Variants in RERE observed in about 807,000 individuals in gnomAD.
RERE encodes arginine-glutamic acid dipeptide repeats protein.
A neutral mutation model predicts 146.1 loss-of-function variants in RERE; 40 were observed. The observed-to-expected ratio is 0.27, with a 90% CI of 0.21 to 0.36. The LOEUF is 0.36. Among genes scored for constraint, RERE ranks in the 10% least tolerant of loss-of-function variants. The pLI is 1.00. For missense variants in RERE, 1,933 were observed against 2,138.7 expected, an observed-to-expected ratio of 0.90 and a Z score of 1.90; for synonymous variants, 1,003 against 866.0, an observed-to-expected ratio of 1.16 and a Z score of -2.78.
intron 4 of RERE, among the ~76,000 whole-genome samples, chr1:8,604,025 T>G (rs141648472): frequency 2.0e-5 from 3 of 151,760 alleles, no homozygotes; most frequent in Non-Finnish European, 4.4e-5. Flanking sequence ...GTTACTGGAG[T>G]TGGGGACAAG....
chr1:8,670,759 C>T (rs962437867), intron 1 of RERE, among the ~76,000 whole-genome samples: 6 of 152,076 alleles, frequency 3.9e-5, no homozygotes, highest in Non-Finnish European at 7.4e-5. Context: ...GCAGTGAGCG[C>T]AAGAAGAATT....
intron 2 of RERE, among the ~76,000 whole-genome samples, chr1:8,639,055 G>T (rs1647141162): frequency 6.6e-6 from 1 of 152,082 alleles, no homozygotes; most frequent in Admixed American, 6.5e-5. Context: ...TTACAGGCGT[G>T]AGCCACCGCG....
chr1:8,441,226 A>G (rs1225876323), intron 11 of RERE, among the ~76,000 whole-genome samples: 3 of 152,172 alleles, frequency 2.0e-5, no homozygotes, highest in Non-Finnish European at 4.4e-5. Flanking sequence ...TGGGCCTGGC[A>G]TATAAGATGT....
chr1:8,573,546 A>G (rs560925212), intron 4 of RERE, among the ~76,000 whole-genome samples: 1 of 152,258 alleles, frequency 6.6e-6, no homozygotes, highest in East Asian at 1.9e-4. Context: ...CATTTTCCTG[A>G]TAGTAGACAT....
intron 1 of RERE, among the ~76,000 whole-genome samples, chr1:8,816,530 C>G (rs1327830500): frequency 6.6e-6 from 1 of 152,146 alleles, no homozygotes; most frequent in East Asian, 1.9e-4. Context: ...ACTTTTCCCC[C>G]CTCCTAGCAG....
At chr1:8,470,048 T>A (rs1021261364) in intron 10 of RERE, among the ~76,000 whole-genome samples, 4 of 152,198 alleles carry the variant, frequency 2.6e-5, no homozygotes, top group African/African-American at 7.2e-5. Context: ...CTTCCTTCCC[T>A]ACTCTGTTCT....
intron 9 of RERE, among the ~76,000 whole-genome samples, chr1:8,496,150 T>TAAAAAAAAAAAAAAAAAAAAAAAAA (rs36115213): frequency 2.5e-5 from 3 of 118,426 alleles, no homozygotes; most frequent in African/African-American, 1.0e-4. Flanking sequence ...GACCCTGTCT[T>TAAAAAAAAAAAAAAAAAAAAAAAAA]AAAAAAAAAA....
Position 8,656,139 on chromosome 1 carries a change from A to G in RERE, c.159T>C (p.Ser53=), listed in dbSNP as rs765318631. Residue 53 remains serine (S), a synonymous_variant, in exon 2 of 23, where the codon AGT becomes AGC. Transcript: ENST00000400908. ...CATTGTCCTCGTCTTCACTGTGATCACTCTCAGCATAATTTTTGGCTCCTC... is the reference window on the plus strand; with the variant it reads ...CATTGTCCTCGTCTTCACTGTGATCGCTCTCAGCATAATTTTTGGCTCCTC... ...LEGGAKNYAE[S]DHSEDEDNDN... 1.6e-5 allele frequency: 26 copies of G among 1,612,284 alleles called. No homozygotes were observed. Among genetic ancestry groups the G allele is most frequent in the Non-Finnish European group, 2.2e-5 (26 of 1,179,516 alleles).
intron 5 of RERE, 87 bp from the exon 6 acceptor site, chr1:8,556,658 C>T: frequency 3.8e-6 from 3 of 798,224 alleles, no homozygotes; most frequent in Non-Finnish European, 4.3e-6. Flanking sequence ...TTCACGTTTA[C>T]CACCCACTAA....
chr1:8,483,796 A>C (rs971756129), intron 10 of RERE, among the ~76,000 whole-genome samples: 12 of 152,220 alleles, frequency 7.9e-5, no homozygotes, highest in Non-Finnish European at 1.0e-4. Flanking sequence ...TGCATAAATA[A>C]ATAAGCAAAC....
chr1:8,765,532 C>T (rs1640829963), intron 1 of RERE, among the ~76,000 whole-genome samples: 1 of 152,138 alleles, frequency 6.6e-6, no homozygotes, highest in African/African-American at 2.4e-5. Flanking sequence ...TAAAACCAAA[C>T]AAAAGGCCGG....
rs1349733115 is a variant in RERE at position 8,607,526 on chromosome 1, ATATATTTCTT to A, written c.522+7025_522+7034del. ...AGAAGCCCCGCATATTTGTTTTTAT[ATATATTTCTT>A]TTTTTTTTTTTTTTTTTTTTTTTTT... is the stretch of plus-strand genomic sequence containing the variant. On this transcript the variant is annotated intron_variant, in intron 4 of 22. Transcript: ENST00000400908. 3.4e-5 allele frequency among the ~76,000 whole-genome samples: 3 copies of A among 89,364 alleles called. No homozygotes were observed. The Admixed American group carries it at 3.5e-4, about 10-fold the overall frequency. 58.6% of individuals were successfully genotyped at this position (89,364 alleles called of 152,430 possible).
In RERE at chr1:8,355,567, T is replaced by C. The variant is rs146159811; in HGVS notation, c.4519A>G (p.Ile1507Val). The change falls in exon 22 of 23, where the codon ATC becomes GTC. Residue 1507 changes from isoleucine to valine, a missense_variant. By Grantham distance (29) the Ile-to-Val change is conservative. Coordinates refer to ENST00000400908, the MANE Select transcript of RERE (RefSeq NM_001042681.2). The stretch of plus-strand genomic sequence containing the variant: ...TGGGCTGCTGACATGGGGGGTGGGA[T>C]GGCCCCAGGCAGGTCACGGGGGTAG... ...TPYPRDLPGAIPPPMSAAHQL... is the reference protein window; with the variant it reads ...TPYPRDLPGAVPPPMSAAHQL... 307 of 1,598,204 alleles carry C rather than the reference T, an allele frequency of 1.9e-4. No individual in the cohort carries two copies. The highest frequency in any genetic ancestry group is 2.5e-4 in the Non-Finnish European group (287 of 1,170,916).
chr1:8,612,913 C>G (rs1481671125), intron 4 of RERE, among the ~76,000 whole-genome samples: 6 of 152,220 alleles, frequency 3.9e-5, no homozygotes, highest in African/African-American at 1.4e-4. Context: ...CTGTCTTCCA[C>G]TGTAAGACAG....
In RERE at chr1:8,360,358, G is replaced by A. The variant is rs764049309; in HGVS notation, c.3149C>T (p.Pro1050Leu). ...TGGGGTAGAGGTGGAGGGGCAGGTCGGAGGGGTGATGGGAGGAGGGCCTCC... is the reference window on the plus strand; with the variant it reads ...TGGGGTAGAGGTGGAGGGGCAGGTCAGAGGGGTGATGGGAGGAGGGCCTCC... ...VPGGPPPITP[P>L]TCPSTSTPPA... Residue 1050 changes from proline (P) to leucine (L), a missense_variant, in exon 18 of 23, where the codon CCG (proline) becomes CTG (leucine). Pro to Leu is a moderately conservative substitution (Grantham distance 98). Around this residue, in one of 11 missense-constraint regions of RERE, gnomAD observed 1,255 missense variants for 1,153.8 expected, o/e 1.09. Coordinates refer to ENST00000400908, the MANE Select transcript of RERE (RefSeq NM_001042681.2). The A allele has an allele frequency of 1.8e-4, 261 of 1,485,030 alleles. No individual in the cohort carries two copies. Among genetic ancestry groups the A allele is most frequent in the Non-Finnish European group, 2.2e-4 (243 of 1,115,468 alleles). 92.0% of individuals were successfully genotyped at this position (1,485,030 alleles called of 1,614,324 possible). A position where few individuals can be genotyped will look rare whatever the true frequency, so the allele number is the denominator to read the frequency against.
chr1:8,760,984 G>A (rs1282110726), intron 1 of RERE, among the ~76,000 whole-genome samples: 1 of 152,068 alleles, frequency 6.6e-6, no homozygotes, highest in Non-Finnish European at 1.5e-5. Context: ...ATATAGACAA[G>A]GAAATGGAGG....
intron 11 of RERE, among the ~76,000 whole-genome samples, chr1:8,444,755 GC>G (rs1416982433): frequency 6.6e-6 from 1 of 152,006 alleles, no homozygotes; most frequent in Non-Finnish European, 1.5e-5. Flanking sequence ...GTGTGTAGCA[GC>G]CCCACCCCCT....
At chr1:8,542,658 C>T (rs1004322390) in intron 6 of RERE, among the ~76,000 whole-genome samples, 2 of 152,090 alleles carry the variant, frequency 1.3e-5, no homozygotes, top group African/African-American at 4.8e-5. Flanking sequence ...GACCCCATCT[C>T]ACCACACCTG....
At chr1:8,473,913 C>T (rs186379663) in intron 10 of RERE, among the ~76,000 whole-genome samples, 26 of 152,280 alleles carry the variant, frequency 1.7e-4, no homozygotes, top group African/African-American at 6.3e-4. Context: ...ACTATTCAAA[C>T]AAGAGGTTCA....
Sources: gnomAD v4.1 joint callset for allele counts (sites outside exome capture counted in the v4.1 genomes callset) on GRCh38, gnomAD v4.1.1 for gene constraint, gnomAD v4.1.1 regional missense constraint, MANE v1.5 for transcripts, NCBI Gene and HGNC (gene_info 2026-07-23, HGNC 2026-07-21) for gene names.